The following MPDZ variants were observed in gnomAD, a reference collection of about 807,000 sequenced individuals.
MPDZ encodes the protein multiple PDZ domain protein.
Under a neutral mutation model 239.1 loss-of-function variants are expected in MPDZ, and 234 were observed. That is an observed-to-expected ratio of 0.98 (90% CI 0.88 to 1.09). MPDZ has a LOEUF of 1.09. Among genes scored for constraint, MPDZ ranks in the 50% least tolerant of loss-of-function variants. The pLI, the probability that MPDZ is intolerant of heterozygous loss-of-function variation, is 0.00. For synonymous variants in MPDZ, 1,048 were observed against 881.3 expected, an observed-to-expected ratio of 1.19 and a Z score of -3.35; for missense variants, 3,175 against 2,510.0, an observed-to-expected ratio of 1.26 and a Z score of -5.66.
intron 21 of MPDZ, among the ~76,000 whole-genome samples, chr9:13,173,205 T>A (rs1332141093): frequency 1.3e-5 from 2 of 152,180 alleles, no homozygotes; most frequent in Non-Finnish European, 2.9e-5. Flanking sequence ...TGATGATGGC[T>A]ACACAACAAT....
rs374788114 is a variant in MPDZ, at chr9:13,107,127, T to C, written c.6067-16A>G. 1.9e-6 allele frequency: 3 copies of C among 1,543,708 alleles called. No individual in the cohort carries two copies. The highest frequency in any genetic ancestry group is 2.7e-5 in the African/African-American group (2 of 73,316). On this transcript the variant is annotated splice_polypyrimidine_tract_variant and intron_variant, in intron 46 of 46. Coordinates refer to ENST00000319217, the MANE Select transcript of MPDZ (RefSeq NM_001378778.1). The stretch of plus-strand genomic sequence containing the variant: ...AGGCTGCTCCCTGCAAATTATAAAG[T>C]AGACTTGTTTATTTCTCAAAAAATG...
At chr9:13,228,984 A>G (rs1484328466) in intron 3 of MPDZ, among the ~76,000 whole-genome samples, 1 of 152,156 alleles carries the variant, frequency 6.6e-6, no homozygotes, top group African/African-American at 2.4e-5. Flanking sequence ...TGCCCTGGGT[A>G]TCATTCAATA....
chr9:13,273,688 G>C (rs1228012390), intron 1 of MPDZ, among the ~76,000 whole-genome samples: 1 of 152,062 alleles, frequency 6.6e-6, no homozygotes. Context: ...AAAGAAAAAA[G>C]CAGAAGTAGG....
Position 13,221,352 on chromosome 9 carries a change from G to C in MPDZ, c.876+20C>G, listed in dbSNP as rs1959072954. On this transcript the variant is annotated intron_variant, in intron 7 of 46. Transcript: ENST00000319217. Reference sequence around the variant, plus strand: ...TATTATTTGATAAAATAGCATAAAAGATCTATTGATGTAGCCTACCTGATC... The same window carrying C: ...TATTATTTGATAAAATAGCATAAAACATCTATTGATGTAGCCTACCTGATC... The C allele has an allele frequency of 6.3e-7, 1 of 1,578,736 alleles. No individual in the cohort carries two copies. Among genetic ancestry groups the C allele is most frequent in the Non-Finnish European group, 8.6e-7 (1 of 1,163,062 alleles).
At chr9:13,272,629 G>A (rs998554776) in intron 1 of MPDZ, among the ~76,000 whole-genome samples, 4 of 150,708 alleles carry the variant, frequency 2.7e-5, no homozygotes, top group African/African-American at 7.3e-5. Flanking sequence ...AGGCTGAGGC[G>A]GGGAGATCAC....
intron 1 of MPDZ, among the ~76,000 whole-genome samples, chr9:13,265,675 G>A (rs982724687): frequency 2.0e-5 from 3 of 152,280 alleles, no homozygotes; most frequent in African/African-American, 2.4e-5. Flanking sequence ...AACTGCTGTC[G>A]GAGGTGATAG....
chr9:13,249,431 G>A (rs1588111384), intron 2 of MPDZ, among the ~76,000 whole-genome samples: 2 of 152,054 alleles, frequency 1.3e-5, no homozygotes, highest in East Asian at 1.9e-4. Flanking sequence ...AAAATGGGAA[G>A]TGAAGGAAAT....
intron 22 of MPDZ, among the ~76,000 whole-genome samples, chr9:13,166,091 C>T (rs921329150): frequency 9.9e-5 from 15 of 152,092 alleles, no homozygotes; most frequent in African/African-American, 3.6e-4. Context: ...ACCCCTCCAC[C>T]ACCACCCAGA....
chr9:13,238,626 CAAT>C (rs1474628192), intron 3 of MPDZ, among the ~76,000 whole-genome samples: 1 of 152,142 alleles, frequency 6.6e-6, no homozygotes, highest in Non-Finnish European at 1.5e-5. Flanking sequence ...CCCCAGACAA[CAAT>C]GCTACTTCAA....
chr9:13,174,821 T>C (rs1306048187), intron 21 of MPDZ, among the ~76,000 whole-genome samples: 1 of 152,222 alleles, frequency 6.6e-6, no homozygotes, highest in Non-Finnish European at 1.5e-5. Context: ...GCTACAATTC[T>C]GTTTAGCTGC....
intron 1 of MPDZ, among the ~76,000 whole-genome samples, chr9:13,270,176 A>G (rs1416821108): frequency 6.6e-6 from 1 of 152,174 alleles, no homozygotes; most frequent in Non-Finnish European, 1.5e-5. Context: ...AAGACTAAAC[A>G]TTAATATTAA....
intron 24 of MPDZ, among the ~76,000 whole-genome samples, chr9:13,152,790 T>C (rs1949355397): frequency 6.6e-6 from 1 of 152,060 alleles, no homozygotes; most frequent in South Asian, 2.1e-4. Context: ...ACATTTCCTA[T>C]ACCCACAAAA....
chr9:13,180,749 TGA>T (rs1953194079), intron 19 of MPDZ, among the ~76,000 whole-genome samples: 2 of 152,194 alleles, frequency 1.3e-5, no homozygotes, highest in Non-Finnish European at 2.9e-5. Flanking sequence ...CATATTTCAA[TGA>T]CCTGCCTCTA....
rs2135631219 is a variant in MPDZ, at chr9:13,205,124, T to C, written c.1475-17A>G. 1 of 1,283,746 alleles carries C rather than the reference T, an allele frequency of 7.8e-7. No homozygotes were observed. Among genetic ancestry groups the C allele is most frequent in the Non-Finnish European group, 1.0e-6 (1 of 958,402 alleles). The allele number at this position is 1,283,746 out of a possible 1,614,324, so 79.5% of individuals were successfully genotyped here. Reference sequence around the variant, plus strand: ...CATAATTTTCTTAAAGATAAAAATATTTTAGTAATTTTATCTTTAGTATAA... The same window carrying C: ...CATAATTTTCTTAAAGATAAAAATACTTTAGTAATTTTATCTTTAGTATAA... On this transcript the variant is annotated splice_polypyrimidine_tract_variant and intron_variant, in intron 11 of 46. Coordinates refer to ENST00000319217, the MANE Select transcript of MPDZ (RefSeq NM_001378778.1).
Position 13,150,702 on chromosome 9 carries a change from A to G in MPDZ, c.3453-14T>C. 1 of 1,318,410 alleles carries G rather than the reference A, an allele frequency of 7.6e-7. No homozygotes were observed. Among genetic ancestry groups the G allele is most frequent in the Middle Eastern group, 2.0e-4 (1 of 4,960 alleles). The allele number at this position is 1,318,410 out of a possible 1,614,324, so 81.7% of individuals were successfully genotyped here. ...CAGAGTTCCACCCTAAAAAATAAAT[A>G]AAATTTTCAACTCTTAGGAAAAATC... On this transcript the variant is annotated splice_polypyrimidine_tract_variant and intron_variant, in intron 24 of 46. Transcript: ENST00000319217.
intron 38 of MPDZ, 155 bp from the exon 39 acceptor site, chr9:13,119,804 A>G: frequency 2.7e-6 from 2 of 733,878 alleles, no homozygotes; most frequent in Non-Finnish European, 4.5e-6. Flanking sequence ...CATTAGAATT[A>G]TATTTTTTGA....
intron 12 of MPDZ, 70 bp downstream of exon 12, chr9:13,204,966 A>G: frequency 9.4e-7 from 1 of 1,068,350 alleles, no homozygotes; most frequent in Non-Finnish European, 1.3e-6. Context: ...AGGCTTAATC[A>G]CATTTGTAAA....
intron 45 of MPDZ, 53 bp from the exon 46 acceptor site, chr9:13,109,112 C>T (rs10732331): frequency 0.99 from 1,214,400 of 1,222,108 alleles, 603,681 homozygotes; most frequent in South Asian, 1. Flanking sequence ...AAAAACTATA[C>T]ATATATGTTA....
intron 26 of MPDZ, among the ~76,000 whole-genome samples, chr9:13,144,951 T>G (rs1053952146): frequency 1.8e-4 from 27 of 152,110 alleles, no homozygotes; most frequent in African/African-American, 6.5e-4. Context: ...GGAGATTATT[T>G]CTAATCTCCA....
Sources: gnomAD v4.1 joint callset for allele counts (sites outside exome capture counted in the v4.1 genomes callset) on GRCh38, gnomAD v4.1.1 for gene constraint, MANE v1.5 for transcripts, NCBI Gene and HGNC (gene_info 2026-07-23, HGNC 2026-07-21) for gene names.